Variants in TUSC3 observed in about 807,000 individuals in gnomAD.
The protein encoded by TUSC3 is tumor suppressor candidate 3.
Under a neutral mutation model 44.8 loss-of-function variants are expected in TUSC3, and 45 were observed. That is an observed-to-expected ratio of 1.00 (90% CI 0.79 to 1.29). The LOEUF (loss-of-function observed/expected upper bound fraction) is 1.29, where lower values mean the gene tolerates loss of function less well. Ranked by LOEUF, TUSC3 falls within the 50% of genes most tolerant of loss-of-function variation. TUSC3 has a pLI of 0.00. For synonymous variants in TUSC3, 212 were observed against 152.9 expected (o/e 1.39, Z -2.85); for missense variants, 519 against 437.9 (o/e 1.19, Z -1.65).
chr8:15,458,963 G>A (rs962826268), intron 1 of TUSC3, among the ~76,000 whole-genome samples: 6 of 152,074 alleles, frequency 3.9e-5, no homozygotes, highest in South Asian at 2.1e-4. Flanking sequence ...AGAGGTTTAA[G>A]TTAATCTTTT....
chr8:15,459,933 T>C (rs1243131778), intron 1 of TUSC3, among the ~76,000 whole-genome samples: 1 of 152,004 alleles, frequency 6.6e-6, no homozygotes, highest in African/African-American at 2.4e-5. Flanking sequence ...TATCCACTCA[T>C]TGATTGATGG....
chr8:15,711,649 T>C (rs1809858173), intron 6 of TUSC3, among the ~76,000 whole-genome samples: 1 of 151,728 alleles, frequency 6.6e-6, no homozygotes, highest in African/African-American at 2.4e-5. Flanking sequence ...GTAGGCATGG[T>C]TTGCTAAGCA....
At chr8:15,448,418 C>G (rs1453933638) in intron 1 of TUSC3, among the ~76,000 whole-genome samples, 1 of 151,984 alleles carries the variant, frequency 6.6e-6, no homozygotes, top group Non-Finnish European at 1.5e-5. Flanking sequence ...CATGCCCAGC[C>G]TAAAGTATAA....
At chr8:15,657,871 G>C (rs1807244521) in intron 3 of TUSC3, among the ~76,000 whole-genome samples, 1 of 152,182 alleles carries the variant, frequency 6.6e-6, no homozygotes, top group African/African-American at 2.4e-5. Context: ...CATAGTGCTA[G>C]AGGCTGAAAG....
At chr8:15,817,079 C>T in the TUSC3 span, among the ~76,000 whole-genome samples, 3 of 152,180 alleles carry the variant, frequency 2.0e-5, no homozygotes, top group African/African-American at 4.8e-5. Context: ...AATTTCCGTA[C>T]AGTCTGGTCG....
chr8:15,658,659 CAAAT>C (rs1397189791), intron 3 of TUSC3, among the ~76,000 whole-genome samples: 55 of 150,336 alleles, frequency 3.7e-4, no homozygotes, highest in Non-Finnish European at 6.7e-4. Flanking sequence ...CACACACACA[CAAAT>C]ACAATATATA....
intron 1 of TUSC3, among the ~76,000 whole-genome samples, chr8:15,434,092 C>T (rs1448035268): frequency 1.3e-5 from 2 of 152,130 alleles, no homozygotes; most frequent in African/African-American, 4.8e-5. Context: ...GAGAGAATTC[C>T]ATTTGCTCCA....
chr8:15,566,161 A>G (rs909024119), intron 1 of TUSC3, among the ~76,000 whole-genome samples: 3 of 152,266 alleles, frequency 2.0e-5, no homozygotes, highest in African/African-American at 4.8e-5. Context: ...AGAAGATGCT[A>G]CAGTTTCCAT....
intron 6 of TUSC3, among the ~76,000 whole-genome samples, chr8:15,700,936 A>G (rs1284577131): frequency 1.4e-5 from 2 of 145,464 alleles, no homozygotes; most frequent in African/African-American, 2.6e-5. Flanking sequence ...ATGTGAAGTG[A>G]AAATCATTGT....
chr8:15,622,722 C>T (rs1309051945), intron 1 of TUSC3, among the ~76,000 whole-genome samples: 1 of 152,042 alleles, frequency 6.6e-6, no homozygotes, highest in Non-Finnish European at 1.5e-5. Context: ...TGATGTTTGG[C>T]TAGACTAGAG....
At chr8:15,790,441 C>T in the TUSC3 span, among the ~76,000 whole-genome samples, 297 of 152,138 alleles carry the variant, frequency 2.0e-3, 2 homozygotes, top group African/African-American at 6.9e-3. Flanking sequence ...CCTTGGCCTC[C>T]CAAAGTGCTG....
the TUSC3 span, among the ~76,000 whole-genome samples, chr8:15,834,147 T>C: frequency 1.2e-4 from 18 of 152,180 alleles, no homozygotes. Context: ...CAGGTAAAAG[T>C]TGAAATCTTA....
intron 5 of TUSC3, among the ~76,000 whole-genome samples, chr8:15,671,483 G>A (rs1480259213): frequency 3.9e-5 from 6 of 152,004 alleles, no homozygotes; most frequent in Non-Finnish European, 7.4e-5. Context: ...TTTTAGAAGT[G>A]CATGTTACTC....
At chr8:15,455,238 C>T (rs1585051865) in intron 1 of TUSC3, among the ~76,000 whole-genome samples, 1 of 152,126 alleles carries the variant, frequency 6.6e-6, no homozygotes, top group Admixed American at 6.6e-5. Flanking sequence ...CCCCAAAACC[C>T]CAGGACTGGT....
At chr8:15,849,636 C>G in the TUSC3 span, among the ~76,000 whole-genome samples, 1 of 152,132 alleles carries the variant, frequency 6.6e-6, no homozygotes, top group Non-Finnish European at 1.5e-5. Flanking sequence ...TTCAGCCTCC[C>G]TCTCACACTA....
chr8:15,840,331 C>A, the TUSC3 span, among the ~76,000 whole-genome samples: 1 of 152,040 alleles, frequency 6.6e-6, no homozygotes, highest in African/African-American at 2.4e-5. Context: ...ACATATGTAA[C>A]AAACCTGCAC....
chr8:15,681,614 G>T (rs1808434892), intron 6 of TUSC3, among the ~76,000 whole-genome samples: 1 of 149,160 alleles, frequency 6.7e-6, no homozygotes, highest in South Asian at 2.1e-4. Context: ...TCCTTTCAAA[G>T]AACCAACTTT....
intron 1 of TUSC3, among the ~76,000 whole-genome samples, chr8:15,463,158 A>G (rs1396372037): frequency 6.6e-6 from 1 of 152,016 alleles, no homozygotes; most frequent in East Asian, 1.9e-4. Flanking sequence ...ATCCGTAAAA[A>G]CATAAGTTTG....
At chr8:15,635,067 T>TC (rs1554464893) in intron 2 of TUSC3, among the ~76,000 whole-genome samples, 3 of 151,736 alleles carry the variant, frequency 2.0e-5, no homozygotes, top group Admixed American at 6.6e-5. Context: ...CTTTTTTTTT[T>TC]CCCCCCAAAG....
Sources: gnomAD v4.1 joint callset for allele counts (sites outside exome capture counted in the v4.1 genomes callset) on GRCh38, gnomAD v4.1.1 for gene constraint, MANE v1.5 for transcripts, NCBI Gene and HGNC (gene_info 2026-07-23, HGNC 2026-07-21) for gene names.